Variants in UNC13C observed in about 807,000 individuals in gnomAD.
UNC13C encodes unc-13 homolog C, also known as protein unc-13 homolog C.
In UNC13C, 174 loss-of-function variants were observed where a neutral mutation model predicts 245.4. That is an observed-to-expected ratio of 0.71 (90% CI 0.63 to 0.80). The LOEUF (loss-of-function observed/expected upper bound fraction) is 0.80, where lower values mean the gene tolerates loss of function less well. UNC13C is among the 30% of genes least tolerant of loss of function. The probability of loss-of-function intolerance (pLI) is 0.00; values close to 1 mark genes in which losing one functional copy is unlikely to be tolerated. For synonymous variants in UNC13C, 992 were observed against 895.1 expected (o/e 1.11, Z -1.93); for missense variants, 2,829 against 2,602.9 (o/e 1.09, Z -1.89).
chr15:54,408,199 C>CAAAAAAAAAAAAAAAAAA (rs71105808), intron 18 of UNC13C, among the ~76,000 whole-genome samples: 6 of 29,126 alleles, frequency 2.1e-4, no homozygotes, highest in Admixed American at 1.1e-3. Flanking sequence ...GACTCTGCCT[C>CAAAAAAAAAAAAAAAAAA]AAAAAAAAAA....
intron 4 of UNC13C, among the ~76,000 whole-genome samples, chr15:54,148,697 G>T (rs899573693): frequency 6.6e-6 from 1 of 152,092 alleles, no homozygotes; most frequent in South Asian, 2.1e-4. Flanking sequence ...TTCCTATCAA[G>T]TCCACTAATT....
rs548509050 is a variant in UNC13C, at chr15:54,449,721, C to G, written c.4933+34654C>G. Among the ~76,000 whole-genome samples the G allele has an allele frequency of 3.1e-4, 47 of 152,318 alleles. 2 individuals are homozygous for G. The South Asian group carries it at 9.5e-3, about 31-fold the overall frequency. ...TTAACTTCTTTGCAATGGGTTCAAA[C>G]TTCCTCCTTTAGCTTGGAGAAGTTT... On this transcript the variant is annotated intron_variant, in intron 19 of 32. Transcript: ENST00000260323.
At chr15:54,613,429 T>A (rs1406033832) in intron 30 of UNC13C, among the ~76,000 whole-genome samples, 2 of 152,028 alleles carry the variant, frequency 1.3e-5, no homozygotes, top group South Asian at 4.1e-4. Context: ...TACAGTAGTT[T>A]AAAATAAGTG....
chr15:54,170,763 G>T (rs185149084), intron 4 of UNC13C, among the ~76,000 whole-genome samples: 40 of 152,194 alleles, frequency 2.6e-4, no homozygotes, highest in African/African-American at 9.4e-4. Context: ...ATTCCTTTTT[G>T]TAAGTATGTT....
chr15:54,276,171 G>A (rs1301268601), intron 10 of UNC13C, among the ~76,000 whole-genome samples: 1 of 152,050 alleles, frequency 6.6e-6, no homozygotes, highest in Non-Finnish European at 1.5e-5. Context: ...AATCTCAAAG[G>A]AACTTTTGGA....
At chr15:54,596,719 C>A (rs1304081711) in intron 30 of UNC13C, among the ~76,000 whole-genome samples, 1 of 152,108 alleles carries the variant, frequency 6.6e-6, no homozygotes, top group South Asian at 2.1e-4. Flanking sequence ...TGGTTTGCTG[C>A]CCTCCCCATG....
At chr15:54,428,671 T>A (rs971307790) in intron 19 of UNC13C, among the ~76,000 whole-genome samples, 1 of 151,504 alleles carries the variant, frequency 6.6e-6, no homozygotes, top group African/African-American at 2.4e-5. Flanking sequence ...GGAAGGTAGG[T>A]ACCTAACACG....
chr15:54,047,026 A>G (rs898287490), intron 2 of UNC13C, among the ~76,000 whole-genome samples: 15 of 152,206 alleles, frequency 9.9e-5, no homozygotes, highest in African/African-American at 2.4e-4. Context: ...ATAATGTACA[A>G]TGTCCAAAAA....
chr15:54,241,758 C>T (rs551802975), intron 7 of UNC13C, among the ~76,000 whole-genome samples: 5 of 152,300 alleles, frequency 3.3e-5, no homozygotes, highest in East Asian at 3.9e-4. Context: ...TGGCCATCAG[C>T]GCAGTAGGGC....
intron 30 of UNC13C, among the ~76,000 whole-genome samples, chr15:54,571,896 A>G (rs1412626396): frequency 1.3e-5 from 2 of 152,130 alleles, no homozygotes; most frequent in Non-Finnish European, 2.9e-5. Flanking sequence ...CATATACAGC[A>G]CTCCAGAGTT....
intron 13 of UNC13C, among the ~76,000 whole-genome samples, chr15:54,320,024 C>G (rs545871704): frequency 6.6e-6 from 1 of 152,000 alleles, no homozygotes; most frequent in East Asian, 1.9e-4. Context: ...ATCTGTTTGC[C>G]TAATTAAATC....
chr15:53,895,517 A>G, the UNC13C span, among the ~76,000 whole-genome samples: 1 of 152,106 alleles, frequency 6.6e-6, no homozygotes, highest in South Asian at 2.1e-4. Flanking sequence ...TTTTATAAAT[A>G]TATTTCAGAC....
chr15:54,430,224 T>A (rs1054095730), intron 19 of UNC13C, among the ~76,000 whole-genome samples: 1 of 151,718 alleles, frequency 6.6e-6, no homozygotes, highest in Non-Finnish European at 1.5e-5. Flanking sequence ...GCTTTATCAA[T>A]TTTTGTACCA....
chr15:54,049,269 T>C (rs895360909), intron 2 of UNC13C: 2 of 526,332 alleles, frequency 3.8e-6, no homozygotes, highest in Non-Finnish European at 3.7e-6. Context: ...TCAGAATATG[T>C]GTTCTCACTG....
the UNC13C span, among the ~76,000 whole-genome samples, chr15:53,874,213 A>C: frequency 1.3e-5 from 2 of 152,132 alleles, no homozygotes; most frequent in African/African-American, 4.8e-5. Flanking sequence ...TATAGTAAAA[A>C]TAATAGCTAG....
chr15:54,333,174 A>C (rs2038484561), intron 15 of UNC13C, among the ~76,000 whole-genome samples: 1 of 152,068 alleles, frequency 6.6e-6, no homozygotes, highest in African/African-American at 2.4e-5. Flanking sequence ...TTCTTAGTTC[A>C]AACATTTTAT....
At chr15:54,553,122 A>G (rs1302096130) in intron 28 of UNC13C, among the ~76,000 whole-genome samples, 1 of 104,224 alleles carries the variant, frequency 9.6e-6, no homozygotes, top group African/African-American at 3.8e-5. Flanking sequence ...CTATATTACA[A>G]TATATAATAT....
At chr15:54,048,468 C>T (rs993634830) in intron 2 of UNC13C, 2 of 606,264 alleles carry the variant, frequency 3.3e-6, no homozygotes, top group African/African-American at 1.9e-5. Flanking sequence ...ATGAGGCCAG[C>T]CTGAAGAAGT....
the UNC13C span, among the ~76,000 whole-genome samples, chr15:53,954,338 T>G: frequency 1.3e-5 from 2 of 152,210 alleles, no homozygotes; most frequent in Admixed American, 1.3e-4. Flanking sequence ...CTGTTACTGT[T>G]AAGCACAGCA....
Sources: allele counts gnomAD v4.1 joint callset (sites outside exome capture counted in the v4.1 genomes callset), GRCh38; gene constraint gnomAD v4.1.1; transcripts MANE v1.5; gene names NCBI Gene and HGNC (gene_info 2026-07-23, HGNC 2026-07-21).